The following MARCHF3 variants were observed in gnomAD, a reference collection of about 807,000 sequenced individuals.
MARCHF3 encodes E3 ubiquitin-protein ligase MARCHF3.
In MARCHF3, 13 loss-of-function variants were observed where a neutral mutation model predicts 24.2. The ratio of observed to expected loss-of-function variants is 0.54; its 90% CI spans 0.35 to 0.85. The LOEUF is 0.85. MARCHF3 is among the 40% of genes least tolerant of loss of function. The pLI is 0.01. For missense variants in MARCHF3, 276 were observed against 325.0 expected (o/e 0.85, Z 1.16); for synonymous variants, 144 against 137.3 (o/e 1.05, Z -0.34).
chr5:126,915,096 T>G lies in MARCHF3; in HGVS notation c.227A>C (p.Glu76Ala), dbSNP rs1754676729. Residue 76 changes from glutamate (E) to alanine (A), a missense_variant, in exon 3 of 5, where the codon GAG becomes GCG. Glu to Ala is a moderately radical substitution (Grantham distance 107). Transcript: ENST00000308660. ...GAGCAAGTCCTCTTGGCTGCTGCCC[T>G]CGTGGCAGATCCTGCACATCGGCCG... is the stretch of plus-strand genomic sequence containing the variant. Reference protein sequence around the residue: ...NDRPMCRICHEGSSQEDLLSP... With the variant: ...NDRPMCRICHAGSSQEDLLSP... The G allele has an allele frequency of 9.3e-6, 15 of 1,614,130 alleles. No individual in the cohort carries two copies. Among genetic ancestry groups the G allele is most frequent in the Non-Finnish European group, 1.3e-5 (15 of 1,180,026 alleles).
chr5:126,991,154 T>C (rs540983574), intron 1 of MARCHF3, among the ~76,000 whole-genome samples: 10 of 152,292 alleles, frequency 6.6e-5, no homozygotes, highest in African/African-American at 2.4e-4. Context: ...AACCCAAATG[T>C]CCATCAATGA....
chr5:126,930,222 T>C (rs983519448), intron 1 of MARCHF3, among the ~76,000 whole-genome samples: 18 of 152,244 alleles, frequency 1.2e-4, no homozygotes, highest in African/African-American at 3.9e-4. Flanking sequence ...TGCAGTGCTC[T>C]TGGAAGGAAG....
intron 1 of MARCHF3, among the ~76,000 whole-genome samples, chr5:126,982,688 C>G (rs896770255): frequency 6.6e-6 from 1 of 152,156 alleles, no homozygotes; most frequent in African/African-American, 2.4e-5. Context: ...GCTGTAACAT[C>G]TGGGGCACAT....
chr5:127,000,299 T>C (rs774118663), intron 1 of MARCHF3, among the ~76,000 whole-genome samples: 5 of 151,986 alleles, frequency 3.3e-5, no homozygotes, highest in Non-Finnish European at 7.4e-5. Flanking sequence ...TGCCTCTTGA[T>C]GCTAGAAGAA....
chr5:127,022,095 G>A (rs972788064), intron 1 of MARCHF3, among the ~76,000 whole-genome samples: 3 of 152,226 alleles, frequency 2.0e-5, no homozygotes, highest in Non-Finnish European at 4.4e-5. Flanking sequence ...AGATAAGTGA[G>A]CGGGAGGTGG....
chr5:126,989,773 T>G (rs1209442908), intron 1 of MARCHF3, among the ~76,000 whole-genome samples: 2 of 152,154 alleles, frequency 1.3e-5, no homozygotes, highest in Admixed American at 6.5e-5. Context: ...CAGTTTCCTA[T>G]TATATTACAC....
intron 3 of MARCHF3, among the ~76,000 whole-genome samples, chr5:126,892,741 T>TA: frequency 6.7e-6 from 1 of 149,878 alleles, no homozygotes; most frequent in South Asian, 2.2e-4. Context: ...GATATTGGTC[T>TA]AAAATTCTCT....
chr5:126,981,998 C>T (rs1344854224), intron 1 of MARCHF3, among the ~76,000 whole-genome samples: 1 of 152,172 alleles, frequency 6.6e-6, no homozygotes, highest in Non-Finnish European at 1.5e-5. Flanking sequence ...ACCTTCCTTT[C>T]CTTTAAGTTA....
At chr5:126,902,442 G>T (rs1463742007) in intron 3 of MARCHF3, among the ~76,000 whole-genome samples, 1 of 152,124 alleles carries the variant, frequency 6.6e-6, no homozygotes, top group Non-Finnish European at 1.5e-5. Context: ...TCTTGAGAAT[G>T]TGGGTTCTCA....
intron 1 of MARCHF3, among the ~76,000 whole-genome samples, chr5:126,931,814 C>T (rs1749488167): frequency 6.6e-6 from 1 of 152,132 alleles, no homozygotes; most frequent in Admixed American, 6.5e-5. Context: ...TCACTAGCCT[C>T]ACCAGTAAAA....
intron 3 of MARCHF3, among the ~76,000 whole-genome samples, chr5:126,895,841 C>T (rs1006965290): frequency 1.3e-5 from 2 of 152,144 alleles, no homozygotes; most frequent in African/African-American, 4.8e-5. Flanking sequence ...GGGCTCCACC[C>T]AGTTGGAGCT....
chr5:127,029,867 TGAA>T (rs1006856278), intron 1 of MARCHF3: 4 of 152,274 alleles, frequency 2.6e-5, no homozygotes, highest in Admixed American at 6.5e-5. Context: ...TGCAGAGCAC[TGAA>T]GCCCCCGCTA....
At chr5:126,890,713 G>A (rs1753660446) in intron 3 of MARCHF3, among the ~76,000 whole-genome samples, 1 of 151,222 alleles carries the variant, frequency 6.6e-6, no homozygotes, top group South Asian at 2.1e-4. Context: ...TGGGTTCCAA[G>A]TCTTTGCTAT....
chr5:126,896,502 G>C (rs1753922711), intron 3 of MARCHF3, among the ~76,000 whole-genome samples: 1 of 152,116 alleles, frequency 6.6e-6, no homozygotes, highest in Admixed American at 6.6e-5. Context: ...TTTTTAGCTT[G>C]AGTGATCCTG....
chr5:127,015,536 A>C (rs113177380), intron 1 of MARCHF3, among the ~76,000 whole-genome samples: 1 of 152,190 alleles, frequency 6.6e-6, no homozygotes, highest in Non-Finnish European at 1.5e-5. Context: ...AAAAGCACAC[A>C]CTTTAGTGGA....
At chr5:126,877,438 G>A (rs1345866245) in intron 4 of MARCHF3, among the ~76,000 whole-genome samples, 2 of 152,208 alleles carry the variant, frequency 1.3e-5, no homozygotes, top group East Asian at 1.9e-4. Context: ...AGCTCCCAGA[G>A]GAAAGCATAA....
At chr5:126,954,797 A>G (rs1750384466) in intron 1 of MARCHF3, among the ~76,000 whole-genome samples, 1 of 152,066 alleles carries the variant, frequency 6.6e-6, no homozygotes, top group Non-Finnish European at 1.5e-5. Flanking sequence ...TTATTAAAAG[A>G]AATAAGGCCA....
At chr5:127,008,322 G>A (rs1050189090) in intron 1 of MARCHF3, among the ~76,000 whole-genome samples, 1 of 152,130 alleles carries the variant, frequency 6.6e-6, no homozygotes, top group Admixed American at 6.5e-5. Flanking sequence ...CCAAATTCAT[G>A]TTTCTTTCCT....
chr5:127,012,025 C>T (rs1035359159), intron 1 of MARCHF3, among the ~76,000 whole-genome samples: 3 of 152,168 alleles, frequency 2.0e-5, no homozygotes, highest in Non-Finnish European at 4.4e-5. Flanking sequence ...CTTCTTTGGA[C>T]GACCAATGCA....
Sources: allele counts gnomAD v4.1 joint callset (sites outside exome capture counted in the v4.1 genomes callset), GRCh38; gene constraint gnomAD v4.1.1; transcripts MANE v1.5; gene names NCBI Gene and HGNC (gene_info 2026-07-23, HGNC 2026-07-21).